CADPS2: variants seen among roughly 807,000 people sequenced by gnomAD.
CADPS2 encodes calcium-dependent secretion activator 2.
Under a neutral mutation model 172.5 loss-of-function variants are expected in CADPS2, and 93 were observed. The ratio of observed to expected loss-of-function variants is 0.54; its 90% CI spans 0.46 to 0.64. The LOEUF is 0.64. CADPS2 is among the 30% of genes least tolerant of loss of function. The pLI, the probability that CADPS2 is intolerant of heterozygous loss-of-function variation, is 0.00. For synonymous variants in CADPS2, 546 were observed against 555.2 expected (o/e 0.98, Z 0.23); for missense variants, 1,420 against 1,565.9 (o/e 0.91, Z 1.57).
At chr7:122,579,372 A>G (rs528281245) in intron 7 of CADPS2, among the ~76,000 whole-genome samples, 1 of 151,072 alleles carries the variant, frequency 6.6e-6, no homozygotes, top group East Asian at 2.0e-4. Context: ...GAAACCCTGT[A>G]ATAGATAGAA....
intron 8 of CADPS2, among the ~76,000 whole-genome samples, chr7:122,524,149 G>T (rs1295583027): frequency 1.3e-5 from 2 of 152,082 alleles, no homozygotes; most frequent in African/African-American, 4.8e-5. Context: ...GAAACAAAAG[G>T]TTTAGCAAAG....
intron 2 of CADPS2, chr7:122,702,558 G>T: frequency 6.2e-7 from 1 of 1,613,546 alleles, no homozygotes; most frequent in South Asian, 1.1e-5. Context: ...AGAGGAGAAT[G>T]ATTCCCGAAC....
At chr7:122,710,975 G>A (rs1276971281) in intron 2 of CADPS2, among the ~76,000 whole-genome samples, 1 of 152,038 alleles carries the variant, frequency 6.6e-6, no homozygotes, top group East Asian at 1.9e-4. Flanking sequence ...TGATTTTCAA[G>A]TACTTTCTCT....
At chr7:122,669,483 A>T (rs191087765) in intron 2 of CADPS2, among the ~76,000 whole-genome samples, 12 of 152,054 alleles carry the variant, frequency 7.9e-5, no homozygotes, top group Non-Finnish European at 1.3e-4. Context: ...GAAAAGAACC[A>T]GGGGATGGAT....
At chr7:122,533,932 A>C (rs1265009692) in intron 8 of CADPS2, among the ~76,000 whole-genome samples, 2 of 152,134 alleles carry the variant, frequency 1.3e-5, no homozygotes, top group Admixed American at 1.3e-4. Context: ...GGGGTGTATG[A>C]GAGAACGTCC....
chr7:122,451,428 T>C lies in CADPS2; in HGVS notation c.2234A>G (p.Glu745Gly). ...GGAAGAGAGTCTCTCTTTTATCTCC[T>C]CAAATCTTTCTTTTTCTTCCACTGA... is the stretch of plus-strand genomic sequence containing the variant. ...TVSVEEKERFEEIKERLSSLL... is the reference protein window; with the variant it reads ...TVSVEEKERFGEIKERLSSLL... Residue 745 changes from glutamate to glycine, a missense_variant, in exon 15 of 30, where the codon GAG becomes GGG. Glu to Gly is a moderately conservative substitution (Grantham distance 98, BLOSUM62 -2). Transcript: ENST00000449022. 6.3e-7 allele frequency: 1 copy of C among 1,586,048 alleles called. No homozygotes were observed. Among genetic ancestry groups the C allele is most frequent in the Non-Finnish European group, 8.6e-7 (1 of 1,165,326 alleles).
rs556824281 is a variant in CADPS2 at position 122,592,371 on chromosome 7, T to C, written c.1224-11081A>G. Among the ~76,000 whole-genome samples the C allele has an allele frequency of 4.2e-3, 646 of 152,210 alleles. 5 individuals are homozygous for C. The highest frequency in any genetic ancestry group is 0.014 in the African/African-American group (600 of 41,536). ...TGGAGAGGATGTGGAGAAATAGGAA[T>C]GCTTTTACACTGTTGGTGGGACTGT... On this transcript the variant is annotated intron_variant, in intron 6 of 29. Transcript: ENST00000449022.
chr7:122,816,961 C>A (rs1431857177), intron 1 of CADPS2, among the ~76,000 whole-genome samples: 1 of 151,648 alleles, frequency 6.6e-6, no homozygotes, highest in African/African-American at 2.4e-5. Context: ...AAAGCACCCC[C>A]ACTGAACACC....
chr7:122,861,181 T>G (rs1157133049), intron 1 of CADPS2, among the ~76,000 whole-genome samples: 2 of 152,214 alleles, frequency 1.3e-5, no homozygotes, highest in Non-Finnish European at 2.9e-5. Context: ...ACTCCCATTC[T>G]GTTTTCCATA....
At chr7:122,609,996 C>G (rs182001067) in intron 6 of CADPS2, among the ~76,000 whole-genome samples, 1 of 152,010 alleles carries the variant, frequency 6.6e-6, no homozygotes, top group Non-Finnish European at 1.5e-5. Context: ...TCATGAGATA[C>G]CTTTTTAAGG....
At chr7:122,439,226 T>C (rs2051044172) in intron 16 of CADPS2, 1 of 152,182 alleles carries the variant, frequency 6.6e-6, no homozygotes. Context: ...AATGTATTTA[T>C]AAACACTGTT....
intron 2 of CADPS2, among the ~76,000 whole-genome samples, chr7:122,678,085 G>A (rs2082574711): frequency 6.6e-6 from 1 of 152,116 alleles, no homozygotes; most frequent in East Asian, 1.9e-4. Context: ...AAATTTTAAA[G>A]GAAATCATTA....
chr7:122,738,185 A>G (rs555488664), intron 1 of CADPS2, among the ~76,000 whole-genome samples: 64 of 152,274 alleles, frequency 4.2e-4, no homozygotes, highest in African/African-American at 1.5e-3. Context: ...CTAGTCATCA[A>G]CTACAAGCAG....
intron 7 of CADPS2, among the ~76,000 whole-genome samples, chr7:122,569,945 G>A (rs1028625238): frequency 2.3e-4 from 34 of 146,286 alleles, no homozygotes; most frequent in Non-Finnish European, 4.0e-4. Context: ...GAAAACCTAG[G>A]CAATACCATT....
chr7:122,881,921 T>C (rs1386011503), intron 1 of CADPS2, among the ~76,000 whole-genome samples: 1 of 152,150 alleles, frequency 6.6e-6, no homozygotes, highest in Non-Finnish European at 1.5e-5. Context: ...TTATCTTTAC[T>C]CCATCCTATT....
chr7:122,555,956 TC>T (rs543316972), intron 7 of CADPS2, among the ~76,000 whole-genome samples: 19 of 152,126 alleles, frequency 1.2e-4, no homozygotes, highest in African/African-American at 4.6e-4. Flanking sequence ...GACAACACAG[TC>T]ATAAAAGCTT....
chr7:122,386,403 A>G, intron 24 of CADPS2: 1 of 717,534 alleles, frequency 1.4e-6, no homozygotes, highest in Admixed American at 3.6e-5. Context: ...AATGGGAAAA[A>G]AAGGCAACAA....
chr7:122,685,087 G>A (rs117077444), intron 2 of CADPS2, among the ~76,000 whole-genome samples: 1,750 of 152,228 alleles, frequency 0.011, 18 homozygotes, highest in South Asian at 0.022. Flanking sequence ...ATGTGGAATA[G>A]CAATGTTATT....
chr7:122,415,476 G>A (rs1336913908), intron 18 of CADPS2, among the ~76,000 whole-genome samples: 1 of 151,804 alleles, frequency 6.6e-6, no homozygotes, highest in Non-Finnish European at 1.5e-5. Flanking sequence ...TGCACTCAGT[G>A]TTAACTAACT....
Sources: gnomAD v4.1 joint callset for allele counts (sites outside exome capture counted in the v4.1 genomes callset) on GRCh38, gnomAD v4.1.1 for gene constraint, MANE v1.5 for transcripts, NCBI Gene and HGNC (gene_info 2026-07-23, HGNC 2026-07-21) for gene names.